Variants in MMP26 observed in about 807,000 individuals in gnomAD.
MMP26 encodes the protein matrix metalloproteinase-26.
A neutral mutation model predicts 31.0 loss-of-function variants in MMP26; 33 were observed. The observed-to-expected ratio is 1.06, with a 90% CI of 0.81 to 1.42. The LOEUF (loss-of-function observed/expected upper bound fraction) is 1.42. Among genes scored for constraint, MMP26 ranks in the 40% most tolerant of loss-of-function variants. The probability of loss-of-function intolerance (pLI) is 0.00; values close to 1 mark genes in which losing one functional copy is unlikely to be tolerated. For missense variants in MMP26, 347 were observed against 316.1 expected, an observed-to-expected ratio of 1.10 and a Z score of -0.74; for synonymous variants, 122 against 114.9, an observed-to-expected ratio of 1.06 and a Z score of -0.40.
intron 1 of MMP26, chr11:4,709,490 A>G: frequency 8.2e-6 from 3 of 366,212 alleles, no homozygotes; most frequent in South Asian, 4.2e-5. Flanking sequence ...GGTGTATAGA[A>G]GAAAGTGAAA....
chr11:4,712,886 A>T lies in MMP26; in HGVS notation c.-217+7841A>T, dbSNP rs1169865392. ...TTACACTCTGAATTCAACAACATCCAATACTATGGTCTATACATTTTGCTT... is the reference window on the plus strand; with the variant it reads ...TTACACTCTGAATTCAACAACATCCTATACTATGGTCTATACATTTTGCTT... On this transcript the variant is annotated intron_variant, in intron 1 of 7. Transcript: ENST00000380390. Among the ~76,000 whole-genome samples the T allele has an allele frequency of 2.6e-5, 4 of 151,802 alleles. No homozygotes were observed. In the East Asian group the frequency reaches 7.7e-4, roughly 29 times the overall value.
chr11:4,984,818 A>G (rs1372766750), intron 2 of MMP26, among the ~76,000 whole-genome samples: 6 of 152,334 alleles, frequency 3.9e-5, no homozygotes, highest in Middle Eastern at 6.8e-3. Flanking sequence ...AGAATACATC[A>G]GAGTGATTGA....
At chr11:4,880,444 G>C (rs548504937) in intron 2 of MMP26, among the ~76,000 whole-genome samples, 1 of 152,186 alleles carries the variant, frequency 6.6e-6, no homozygotes, top group East Asian at 1.9e-4. Context: ...GGGTGTAACA[G>C]ATACTGGAAG....
chr11:4,826,740 T>C (rs988478735), intron 2 of MMP26, among the ~76,000 whole-genome samples: 1 of 152,094 alleles, frequency 6.6e-6, no homozygotes, highest in African/African-American at 2.4e-5. Context: ...GCCCAACATC[T>C]TCATCACAGA....
rs758513382 is a variant in MMP26 at position 4,923,863 on chromosome 11, G to C, written c.-144-64205G>C. On this transcript the variant is annotated intron_variant, in intron 2 of 7. Coordinates refer to ENST00000380390, the MANE Select transcript of MMP26 (RefSeq NM_021801.5). ...AGCGCTTCAGGAGGAATGGCAAGGG[G>C]AGGATGAGGAGAGCACTTCTAAGCA... The C allele has an allele frequency of 3.7e-6, 6 of 1,613,930 alleles. No individual in the cohort carries two copies. The East Asian group carries it at 1.3e-4, about 36-fold the overall frequency.
intron 2 of MMP26, among the ~76,000 whole-genome samples, chr11:4,916,064 A>G (rs1851085035): frequency 6.6e-6 from 1 of 152,014 alleles, no homozygotes; most frequent in Non-Finnish European, 1.5e-5. Flanking sequence ...CACGCCTGTA[A>G]TCTCAGCACT....
At chr11:4,848,679 C>T (rs777988587) in intron 2 of MMP26, 4 of 1,613,864 alleles carry the variant, frequency 2.5e-6, no homozygotes, top group Non-Finnish European at 1.7e-6. Flanking sequence ...CTGTGGGAGG[C>T]AGTAGGGCAT....
At chr11:4,705,740 A>G (rs1162823365) in intron 1 of MMP26, among the ~76,000 whole-genome samples, 1 of 152,340 alleles carries the variant, frequency 6.6e-6, no homozygotes, top group Non-Finnish European at 1.5e-5. Flanking sequence ...CTGTAATCCC[A>G]GCACTTTGGG....
chr11:4,771,945 T>C (rs1026315810), intron 2 of MMP26, among the ~76,000 whole-genome samples: 2 of 152,228 alleles, frequency 1.3e-5, no homozygotes, highest in African/African-American at 4.8e-5. Context: ...GTCAACACGA[T>C]AAATATATCT....
chr11:4,770,834 T>C (rs560397786), intron 2 of MMP26, among the ~76,000 whole-genome samples: 4 of 151,306 alleles, frequency 2.6e-5, no homozygotes, highest in African/African-American at 9.7e-5. Context: ...AGTGAGAGAC[T>C]CCGTCTAAAA....
intron 2 of MMP26, among the ~76,000 whole-genome samples, chr11:4,870,564 T>C (rs1850297307): frequency 6.6e-6 from 1 of 152,048 alleles, no homozygotes; most frequent in African/African-American, 2.4e-5. Flanking sequence ...TAATAATGTG[T>C]TAATAGAAAA....
intron 2 of MMP26, among the ~76,000 whole-genome samples, chr11:4,886,247 C>G (rs1487590733): frequency 6.6e-6 from 1 of 152,038 alleles, no homozygotes; most frequent in Non-Finnish European, 1.5e-5. Context: ...CTTGTGTTGG[C>G]CAACTGTAGT....
chr11:4,943,783 T>C, intron 2 of MMP26: 1 of 409,574 alleles, frequency 2.4e-6, no homozygotes, highest in Non-Finnish European at 4.8e-6. Context: ...ATCATTATGC[T>C]GACCATAAAT....
At chr11:4,918,074 C>T (rs1254836922) in intron 2 of MMP26, among the ~76,000 whole-genome samples, 2 of 151,848 alleles carry the variant, frequency 1.3e-5, no homozygotes, top group African/African-American at 4.8e-5. Flanking sequence ...CAAAAATCAC[C>T]ACACTTAGAC....
chr11:4,762,650 G>A (rs574373213), intron 1 of MMP26, among the ~76,000 whole-genome samples: 2 of 152,232 alleles, frequency 1.3e-5, no homozygotes, highest in East Asian at 3.9e-4. Context: ...TGAAATGTCT[G>A]GTTAATCTAG....
chr11:4,849,163 T>C (rs1449133186), intron 2 of MMP26: 4 of 1,613,732 alleles, frequency 2.5e-6, no homozygotes, highest in South Asian at 2.2e-5. Flanking sequence ...GTGGGGGCCA[T>C]TGAAGTGCTG....
intron 1 of MMP26, among the ~76,000 whole-genome samples, chr11:4,725,241 G>C (rs1297039364): frequency 6.6e-6 from 1 of 152,122 alleles, no homozygotes; most frequent in East Asian, 1.9e-4. Context: ...CCAGTCTCAG[G>C]TATTTATAGC....
At position 4,775,747 on chromosome 11, in the gene MMP26, T is replaced by TGAGA. The variant is rs35696328; in HGVS notation, c.-145+8427_-145+8430dup. On this transcript the variant is annotated intron_variant, in intron 2 of 7. Transcript: ENST00000380390. ...AGTACAAGGAAAGAGAGGAAGTGAG[T>TGAGA]GAGAGAGAGAGAGAGAGAGAGAGAA... is the stretch of plus-strand genomic sequence containing the variant. 3.6e-4 allele frequency among the ~76,000 whole-genome samples: 50 copies of TGAGA among 139,802 alleles called. 1 individual carries two copies. The highest frequency in any genetic ancestry group is 9.8e-4 in the African/African-American group (37 of 37,740). 91.7% of individuals were successfully genotyped at this position (139,802 alleles called of 152,430 possible). A position where few individuals can be genotyped will look rare whatever the true frequency, so the allele number is the denominator to read the frequency against.
At chr11:4,790,502 C>A (rs1849011612) in intron 2 of MMP26, among the ~76,000 whole-genome samples, 1 of 152,192 alleles carries the variant, frequency 6.6e-6, no homozygotes. Context: ...ATGGGCCTCT[C>A]AGTCCCTCTT....
Sources: gnomAD v4.1 joint callset for allele counts (sites outside exome capture counted in the v4.1 genomes callset) on GRCh38, gnomAD v4.1.1 for gene constraint, MANE v1.5 for transcripts, NCBI Gene and HGNC (gene_info 2026-07-23, HGNC 2026-07-21) for gene names.